GOLPH3: variants seen among roughly 807,000 people sequenced by gnomAD.
GOLPH3 encodes the protein coat protein GPP34.
A neutral mutation model predicts 28.5 loss-of-function variants in GOLPH3; 14 were observed. The ratio of observed to expected loss-of-function variants is 0.49; its 90% confidence interval spans 0.32 to 0.77. The LOEUF is 0.77. Ranked by LOEUF, GOLPH3 falls within the 30% of genes least tolerant of loss-of-function variation. The pLI is 0.03. For missense variants in GOLPH3, 350 were observed against 393.7 expected, an observed-to-expected ratio of 0.89 and a Z score of 0.94; for synonymous variants, 158 against 159.2, an observed-to-expected ratio of 0.99 and a Z score of 0.06.
intron 1 of GOLPH3, among the ~76,000 whole-genome samples, chr5:32,148,073 G>A (rs1209245538): frequency 6.6e-6 from 1 of 152,162 alleles, no homozygotes; most frequent in East Asian, 1.9e-4. Flanking sequence ...GAACATGACT[G>A]AATAAAGAGA....
intron 1 of GOLPH3, among the ~76,000 whole-genome samples, chr5:32,145,217 G>A (rs1746161701): frequency 6.6e-6 from 1 of 152,080 alleles, no homozygotes; most frequent in Admixed American, 6.6e-5. Context: ...GTGACCTTTG[G>A]GAAAATAACA....
Position 32,124,810 on chromosome 5 carries a change from T to G in GOLPH3, c.*1402A>C, listed in dbSNP as rs966164980. On this transcript the variant is annotated 3_prime_UTR_variant, in exon 4 of 4. Coordinates refer to ENST00000265070, the MANE Select transcript of GOLPH3 (RefSeq NM_022130.4). Reference sequence around the variant, plus strand: ...CCCTTAAAATTCAACTCTAGAGTTATACACCATCTAGTACTTTTGCAATGA... The same window carrying G: ...CCCTTAAAATTCAACTCTAGAGTTAGACACCATCTAGTACTTTTGCAATGA... 6.6e-6 allele frequency: 1 copy of G among 152,596 alleles called. No individual in the cohort carries two copies. Among genetic ancestry groups the G allele is most frequent in the African/African-American group, 2.4e-5 (1 of 41,448 alleles). 9.5% of individuals were successfully genotyped at this position (152,596 alleles called of 1,614,324 possible).
chr5:32,171,157 T>C (rs901264474), intron 1 of GOLPH3, among the ~76,000 whole-genome samples: 4 of 152,230 alleles, frequency 2.6e-5, no homozygotes, highest in Non-Finnish European at 5.9e-5. Context: ...AGCATGTTAA[T>C]ATGCTTCACC....
chr5:32,158,119 TAAATAAATAAAATACAC>T (rs1561679084), intron 1 of GOLPH3, among the ~76,000 whole-genome samples: 9 of 99,974 alleles, frequency 9.0e-5, no homozygotes, highest in Admixed American at 3.2e-4. Flanking sequence ...AATAAATAAA[TAAATAAATAAAATACAC>T]ACACACACAC....
chr5:32,128,067 A>C (rs1322302218), intron 3 of GOLPH3, among the ~76,000 whole-genome samples: 1 of 152,098 alleles, frequency 6.6e-6, no homozygotes, highest in African/African-American at 2.4e-5. Flanking sequence ...GAGAAGGGGG[A>C]CCTACACAGA....
intron 2 of GOLPH3, among the ~76,000 whole-genome samples, chr5:32,142,994 T>C (rs1328464749): frequency 1.9e-4 from 29 of 152,100 alleles, no homozygotes; most frequent in Admixed American, 7.2e-4. Flanking sequence ...CAAGGGCGGT[T>C]TTGTGGAATA....
At chr5:32,173,244 AAACTT>A (rs5867135) in intron 1 of GOLPH3, among the ~76,000 whole-genome samples, 49,709 of 151,506 alleles carry the variant, frequency 0.33, 8,437 homozygotes, top group East Asian at 0.51. Context: ...GTTTCATGAG[AAACTT>A]AACTTAACTT....
intron 1 of GOLPH3, among the ~76,000 whole-genome samples, chr5:32,157,494 A>G (rs1746456218): frequency 6.6e-6 from 1 of 152,116 alleles, no homozygotes. Flanking sequence ...ACTACCTTCA[A>G]CTACACCCTT....
intron 1 of GOLPH3, among the ~76,000 whole-genome samples, chr5:32,151,474 C>T (rs1270692160): frequency 6.6e-6 from 1 of 152,138 alleles, no homozygotes; most frequent in Admixed American, 6.6e-5. Flanking sequence ...TGCACTTACG[C>T]ACTCTAACCG....
At chr5:32,171,781 C>T (rs892890908) in intron 1 of GOLPH3, among the ~76,000 whole-genome samples, 5 of 151,952 alleles carry the variant, frequency 3.3e-5, no homozygotes, top group African/African-American at 1.2e-4. Context: ...AACCCCGTCT[C>T]TACTAAAAAT....
intron 1 of GOLPH3, among the ~76,000 whole-genome samples, chr5:32,150,637 T>C (rs1746284017): frequency 1.3e-5 from 2 of 152,242 alleles, no homozygotes; most frequent in South Asian, 4.1e-4. Flanking sequence ...GTATCCCTTA[T>C]CCAAAATGCT....
At chr5:32,131,822 T>C (rs933505223) in intron 3 of GOLPH3, among the ~76,000 whole-genome samples, 3 of 152,210 alleles carry the variant, frequency 2.0e-5, no homozygotes, top group Non-Finnish European at 1.5e-5. Flanking sequence ...AGAACACTTA[T>C]CTTCCTTGAC....
chr5:32,153,220 G>A (rs1746349650), intron 1 of GOLPH3, among the ~76,000 whole-genome samples: 2 of 152,122 alleles, frequency 1.3e-5, no homozygotes, highest in Admixed American at 6.6e-5. Context: ...TGCACACAGT[G>A]TATGTAGTCC....
intron 1 of GOLPH3, among the ~76,000 whole-genome samples, chr5:32,164,359 C>G (rs988717921): frequency 6.6e-6 from 1 of 151,848 alleles, no homozygotes; most frequent in Non-Finnish European, 1.5e-5. Context: ...TGTTTGTACA[C>G]TGTAAGTGTG....
At chr5:32,141,292 G>GA (rs1239633410) in intron 2 of GOLPH3, among the ~76,000 whole-genome samples, 2 of 151,938 alleles carry the variant, frequency 1.3e-5, no homozygotes, top group African/African-American at 2.4e-5. Context: ...ACTGATTTAG[G>GA]AAAAAAACTA....
chr5:32,143,008 A>C lies in GOLPH3; in HGVS notation c.357+741T>G, dbSNP rs1018056796. Among the ~76,000 whole-genome samples, 65 of 152,104 alleles carry C rather than the reference A, an allele frequency of 4.3e-4. 1 individual carries two copies. The highest frequency in any genetic ancestry group is 4.1e-3 in the Admixed American group (63 of 15,282). On this transcript the variant is annotated intron_variant, in intron 2 of 3. Transcript: ENST00000265070. ...ACAAGGGCGGTTTTGTGGAATAGAA[A>C]GTGGGGAAAGGTGGGGAAAAGATTG...
chr5:32,173,914 G>A lies in GOLPH3; in HGVS notation c.121C>T (p.Gln41Ter). The A allele has an allele frequency of 6.6e-7, 1 of 1,508,926 alleles. No individual in the cohort carries two copies. Among genetic ancestry groups the A allele is most frequent in the Non-Finnish European group, 8.8e-7 (1 of 1,132,782 alleles). 93.5% of individuals were successfully genotyped at this position (1,508,926 alleles called of 1,614,324 possible). A position where few individuals can be genotyped will look rare whatever the true frequency, so the allele number is the denominator to read the frequency against. The change falls in exon 1 of 4, where the codon CAG (glutamine) becomes TAG (stop). Residue 41 changes from glutamine to a stop codon, truncating the protein, a stop_gained. Transcript: ENST00000265070. LOFTEE classifies it high-confidence loss of function. ...GGAGSSEDDAQSRRDEQDDDD... is the reference protein window; with the variant it reads ...GGAGSSEDDA Reference sequence around the variant, plus strand: ...TCGTCCTGCTCGTCGCGGCGGCTCTGCGCGTCGTCCTCGCTGCTGCCGGCG... The same window carrying A: ...TCGTCCTGCTCGTCGCGGCGGCTCTACGCGTCGTCCTCGCTGCTGCCGGCG...
intron 1 of GOLPH3, among the ~76,000 whole-genome samples, chr5:32,172,463 G>A (rs1380474475): frequency 6.6e-6 from 1 of 151,674 alleles, no homozygotes; most frequent in Non-Finnish European, 1.5e-5. Context: ...TTGGGAGGCC[G>A]AGGCAGGCGG....
intron 2 of GOLPH3, among the ~76,000 whole-genome samples, chr5:32,142,883 C>G (rs1353899434): frequency 2.0e-5 from 3 of 151,384 alleles, no homozygotes; most frequent in Non-Finnish European, 2.9e-5. Context: ...AGGGGCGCCT[C>G]TGCCCGGCCG....
Sources: gnomAD v4.1 joint callset for allele counts (sites outside exome capture counted in the v4.1 genomes callset) on GRCh38, gnomAD v4.1.1 for gene constraint, MANE v1.5 for transcripts, NCBI Gene and HGNC (gene_info 2026-07-23, HGNC 2026-07-21) for gene names.